The following RASA2 variants were observed in gnomAD, a reference collection of about 807,000 sequenced individuals.
RASA2 encodes ras GTPase-activating protein 2.
In RASA2, 155 loss-of-function variants were observed where a neutral mutation model predicts 118.2. The observed-to-expected ratio is 1.31, with a 90% CI of 1.15 to 1.50. The LOEUF (loss-of-function observed/expected upper bound fraction) is 1.50, where lower values mean the gene tolerates loss of function less well. Among genes scored for constraint, RASA2 ranks in the 40% most tolerant of loss-of-function variants. The pLI is 0.00. For missense variants in RASA2, 1,016 were observed against 1,009.6 expected, an observed-to-expected ratio of 1.01 and a Z score of -0.09; for synonymous variants, 353 against 349.1, an observed-to-expected ratio of 1.01 and a Z score of -0.12.
intron 1 of RASA2, among the ~76,000 whole-genome samples, chr3:141,491,116 T>C (rs1412499420): frequency 6.6e-6 from 1 of 152,266 alleles, no homozygotes; most frequent in Admixed American, 6.5e-5. Context: ...TCATATGGCG[T>C]TAGCCAGCTC....
chr3:141,519,986 C>A (rs903675423), intron 3 of RASA2, among the ~76,000 whole-genome samples: 1 of 148,550 alleles, frequency 6.7e-6, no homozygotes, highest in Non-Finnish European at 1.5e-5. Context: ...AAAAGAAGAA[C>A]AATTTCTTTT....
chr3:141,575,574 G>C (rs1287966079), intron 14 of RASA2, among the ~76,000 whole-genome samples: 1 of 152,184 alleles, frequency 6.6e-6, no homozygotes, highest in African/African-American at 2.4e-5. Context: ...CATTAGGTGA[G>C]AAACTAAGGT....
chr3:141,496,506 A>G (rs2081704700), intron 1 of RASA2, among the ~76,000 whole-genome samples: 1 of 152,248 alleles, frequency 6.6e-6, no homozygotes, highest in Non-Finnish European at 1.5e-5. Context: ...TGGGTGAAGG[A>G]TATGAACAGA....
intron 4 of RASA2, among the ~76,000 whole-genome samples, chr3:141,533,928 C>G (rs2082292937): frequency 6.6e-6 from 1 of 152,178 alleles, no homozygotes; most frequent in African/African-American, 2.4e-5. Context: ...TTTCAGTCCT[C>G]ATCTTACTTG....
chr3:141,582,887 GA>G (rs1481501584), intron 17 of RASA2, among the ~76,000 whole-genome samples: 1 of 152,162 alleles, frequency 6.6e-6, no homozygotes, highest in African/African-American at 2.4e-5. Flanking sequence ...GCAGAGTTTA[GA>G]AAGGATAACC....
rs1035334629 is a variant in RASA2, at chr3:141,614,055, G to T, written c.*1742G>T. The T allele has an allele frequency of 1.3e-5, 2 of 152,020 alleles. No individual in the cohort carries two copies. Among genetic ancestry groups the T allele is most frequent in the Non-Finnish European group, 2.9e-5 (2 of 67,992 alleles). 9.4% of individuals were successfully genotyped at this position (152,020 alleles called of 1,614,324 possible). ...ATTAAAATTCCTTTTAAGAGTGTCT[G>T]AAATGTCTGCCTGCGAAGAACATGT... is the stretch of plus-strand genomic sequence containing the variant. On this transcript the variant is annotated 3_prime_UTR_variant, in exon 24 of 24. Transcript: ENST00000286364.
At chr3:141,570,051 CTT>C (rs1273402250) in intron 9 of RASA2, among the ~76,000 whole-genome samples, 1 of 134,930 alleles carries the variant, frequency 7.4e-6, no homozygotes, top group African/African-American at 2.8e-5. Context: ...TCAATATTCT[CTT>C]TTGTTTGTGT....
rs764957763 is a variant in RASA2 at position 141,516,364 on chromosome 3, A to C, written c.288A>C (p.Pro96=). The stretch of plus-strand genomic sequence containing the variant: ...GTGAAGAATTTTACTTTGAGATTCC[A>C]AGAACTTTCCAGTATTTGTCTTTCT... ...FFSEEFYFEI[P]RTFQYLSFYV... is the part of the protein sequence containing the mutation. Residue 96 remains proline, a synonymous_variant, in exon 3 of 24, where the codon CCA becomes CCC. Coordinates refer to ENST00000286364, the MANE Select transcript of RASA2 (RefSeq NM_006506.5). 1 of 1,570,506 alleles carries C rather than the reference A, an allele frequency of 6.4e-7. No individual in the cohort carries two copies. The highest frequency in any genetic ancestry group is 1.2e-5 in the South Asian group (1 of 82,718).
intron 4 of RASA2, among the ~76,000 whole-genome samples, chr3:141,538,100 AACACACACACACACAC>A (rs60054807): frequency 7.3e-6 from 1 of 136,556 alleles, no homozygotes; most frequent in South Asian, 2.3e-4. Flanking sequence ...CAAAAAACAA[AACACACACACACACAC>A]ACACACACAC....
At chr3:141,520,557 G>A (rs1396908373) in intron 3 of RASA2, among the ~76,000 whole-genome samples, 1 of 151,936 alleles carries the variant, frequency 6.6e-6, no homozygotes, top group Non-Finnish European at 1.5e-5. Flanking sequence ...GTGTGTGTGT[G>A]TGTTATAATA....
chr3:141,580,993 A>T (rs572339151), intron 16 of RASA2, 107 bp from the exon 17 acceptor site: 1 of 1,192,722 alleles, frequency 8.4e-7, no homozygotes, highest in Non-Finnish European at 1.1e-6. Context: ...CTCTGAAAAT[A>T]TATAATTGAG....
intron 5 of RASA2, among the ~76,000 whole-genome samples, chr3:141,542,078 T>C (rs921066898): frequency 6.6e-6 from 1 of 151,294 alleles, no homozygotes; most frequent in African/African-American, 2.4e-5. Flanking sequence ...TTAAGTTTTT[T>C]CCCCCATCCT....
intron 19 of RASA2, chr3:141,600,415 G>A (rs930211460): frequency 1.3e-5 from 6 of 449,172 alleles, no homozygotes; most frequent in Non-Finnish European, 2.3e-5. Context: ...GCCTCCAGGC[G>A]GACCTGCAGC....
chr3:141,561,002 C>T (rs920082948), intron 9 of RASA2, among the ~76,000 whole-genome samples: 26 of 152,036 alleles, frequency 1.7e-4, no homozygotes, highest in Non-Finnish European at 2.5e-4. Context: ...TTTTGCCTCT[C>T]TATAGTCCAA....
chr3:141,492,195 G>T (rs1047710254), intron 1 of RASA2, among the ~76,000 whole-genome samples: 1 of 152,160 alleles, frequency 6.6e-6, no homozygotes, highest in African/African-American at 2.4e-5. Context: ...AGATCCTTAA[G>T]TGACTAATAT....
At chr3:141,564,746 G>A (rs2082791029) in intron 9 of RASA2, among the ~76,000 whole-genome samples, 1 of 152,142 alleles carries the variant, frequency 6.6e-6, no homozygotes, top group Non-Finnish European at 1.5e-5. Flanking sequence ...GGTGATAATT[G>A]TTGTAACCAA....
chr3:141,554,701 A>G (rs1328896837), intron 6 of RASA2, among the ~76,000 whole-genome samples: 1 of 152,216 alleles, frequency 6.6e-6, no homozygotes, highest in Non-Finnish European at 1.5e-5. Context: ...CTTTGTAGAA[A>G]ATCACTACTA....
intron 2 of RASA2, 118 bp from the exon 3 acceptor site, chr3:141,516,210 A>G (rs1038527042): frequency 1.7e-5 from 11 of 642,334 alleles, no homozygotes; most frequent in African/African-American, 8.0e-5. Flanking sequence ...TAAAATATAT[A>G]TATATTAAAA....
intron 1 of RASA2, among the ~76,000 whole-genome samples, chr3:141,496,459 A>C (rs1480779036): frequency 1.3e-5 from 2 of 152,246 alleles, no homozygotes; most frequent in Non-Finnish European, 2.9e-5. Flanking sequence ...AAAGAACTCA[A>C]ACAAATTTAC....
Sources: gnomAD v4.1 joint callset for allele counts (sites outside exome capture counted in the v4.1 genomes callset) on GRCh38, gnomAD v4.1.1 for gene constraint, MANE v1.5 for transcripts, NCBI Gene and HGNC (gene_info 2026-07-23, HGNC 2026-07-21) for gene names.